HMCN1: variants seen among roughly 807,000 people sequenced by gnomAD.
The protein encoded by HMCN1 is hemicentin 1, also known as hemicentin-1.
Under a neutral mutation model 625.9 loss-of-function variants are expected in HMCN1, and 321 were observed. That is an observed-to-expected ratio of 0.51 (90% CI 0.47 to 0.56). HMCN1 has a LOEUF of 0.56. Ranked by LOEUF, HMCN1 falls within the 20% of genes least tolerant of loss-of-function variation. The pLI is 0.00. For missense variants in HMCN1, 6,588 were observed against 6,887.3 expected, an observed-to-expected ratio of 0.96 and a Z score of 1.54; for synonymous variants, 2,425 against 2,417.6, an observed-to-expected ratio of 1.00 and a Z score of -0.09.
At chr1:185,885,462 A>G (rs568033947) in intron 4 of HMCN1, among the ~76,000 whole-genome samples, 2 of 151,976 alleles carry the variant, frequency 1.3e-5, no homozygotes, top group East Asian at 3.9e-4. Context: ...ACATAGGTAA[A>G]TATTATTTCC....
chr1:185,958,542 G>A (rs1649783271), intron 11 of HMCN1, among the ~76,000 whole-genome samples: 1 of 152,106 alleles, frequency 6.6e-6, no homozygotes, highest in Admixed American at 6.5e-5. Context: ...AACTTTATTT[G>A]GTCATGCTTT....
At chr1:186,189,426 A>G in intron 106 of HMCN1, 86 bp from the exon 107 acceptor site, 1 of 1,507,916 alleles carries the variant, frequency 6.6e-7, no homozygotes, top group Non-Finnish European at 9.1e-7. Flanking sequence ...CAGTGCCTAA[A>G]AGTTGTCATG....
At chr1:186,002,385 A>G (rs1204354076) in intron 28 of HMCN1, among the ~76,000 whole-genome samples, 1 of 152,130 alleles carries the variant, frequency 6.6e-6, no homozygotes, top group Admixed American at 6.6e-5. Flanking sequence ...TACAATGGGC[A>G]CATAATTTGT....
At chr1:185,795,753 G>T (rs572184130) in intron 1 of HMCN1, among the ~76,000 whole-genome samples, 7 of 152,142 alleles carry the variant, frequency 4.6e-5, no homozygotes, top group Non-Finnish European at 1.0e-4. Flanking sequence ...TTGCAACACC[G>T]ATTTCTTCCT....
Position 185,798,575 on chromosome 1 carries a change from CT to C in HMCN1, c.269-47444del, listed in dbSNP as rs559881112. ...AAGTCTTTGTTCATTTTAACAAATTCTTTTTTTCTTTATATTTGTTTGACTG... is the reference window on the plus strand; with the variant it reads ...AAGTCTTTGTTCATTTTAACAAATTCTTTTTTCTTTATATTTGTTTGACTG... On this transcript the variant is annotated intron_variant, in intron 1 of 106. Transcript: ENST00000271588. Among the ~76,000 whole-genome samples, 771 of 152,054 alleles carry C rather than the reference CT, an allele frequency of 5.1e-3. 10 individuals are homozygous for C. Among genetic ancestry groups the C allele is most frequent in the African/African-American group, 0.018 (748 of 41,518 alleles).
Position 186,019,709 on chromosome 1 carries a change from T to C in HMCN1, c.5625+14T>C, listed in dbSNP as rs1654594368. 7 of 1,604,856 alleles carry C rather than the reference T, an allele frequency of 4.4e-6. No homozygotes were observed. The highest frequency in any genetic ancestry group is 6.0e-6 in the Non-Finnish European group (7 of 1,172,408). ...GGAAACCTTAAAGTAAGTGTAAATA[T>C]TACTCAGCCTAAACTGGGAAAGCTA... On this transcript the variant is annotated intron_variant, in intron 35 of 106. Coordinates refer to ENST00000271588, the MANE Select transcript of HMCN1 (RefSeq NM_031935.3).
chr1:185,859,480 T>C (rs1662730593), intron 2 of HMCN1, among the ~76,000 whole-genome samples: 1 of 152,152 alleles, frequency 6.6e-6, no homozygotes, highest in African/African-American at 2.4e-5. Flanking sequence ...TGATATGTTA[T>C]CAATATAAAA....
chr1:185,887,577 G>A (rs190394749), intron 4 of HMCN1, among the ~76,000 whole-genome samples: 4 of 150,158 alleles, frequency 2.7e-5, no homozygotes, highest in Admixed American at 6.6e-5. Context: ...TTGTTCTTGC[G>A]ATAGTTTACT....
intron 83 of HMCN1, 91 bp from the exon 84 acceptor site, chr1:186,129,875 A>G (rs753602684): frequency 6.7e-6 from 10 of 1,496,354 alleles, no homozygotes; most frequent in Non-Finnish European, 9.3e-6. Flanking sequence ...TTGCTGACCA[A>G]CTCATAAATC....
intron 1 of HMCN1, among the ~76,000 whole-genome samples, chr1:185,783,883 C>T (rs748530522): frequency 3.6e-4 from 55 of 152,286 alleles, no homozygotes; most frequent in African/African-American, 1.1e-3. Flanking sequence ...CTGTTAGCCA[C>T]GGACTTTTAA....
chr1:186,106,546 A>C (rs1330439976), intron 69 of HMCN1, among the ~76,000 whole-genome samples: 1 of 152,100 alleles, frequency 6.6e-6, no homozygotes, highest in African/African-American at 2.4e-5. Flanking sequence ...CTGCAATTTA[A>C]ACCCATGAAT....
Position 186,023,102 on chromosome 1 carries a change from G to C in HMCN1, c.5698G>C (p.Ala1900Pro). ...AGATGCTGGCAGATACACATGTGTG[G>C]CTACCAACGCAGCTGGAGAAACACA... ...LEDAGRYTCV[A>P]TNAAGETQQH... Residue 1900 changes from alanine (A) to proline (P), a missense_variant, in exon 36 of 107, where the codon GCT (alanine) becomes CCT (proline). By Grantham distance (27) the Ala-to-Pro change is conservative. This residue lies in a region of HMCN1 where 4,628 missense variants were observed against 4,853.1 expected (regional missense o/e 0.95). Transcript: ENST00000271588. The C allele has an allele frequency of 6.2e-7, 1 of 1,613,148 alleles. No individual in the cohort carries two copies. The highest frequency in any genetic ancestry group is 8.5e-7 in the Non-Finnish European group (1 of 1,179,306).
chr1:186,093,566 A>G lies in HMCN1; in HGVS notation c.10093A>G (p.Arg3365Gly). ...LVDTSINIEC[R>G]ATGTPPPQIN... Reference sequence around the variant, plus strand: ...GGATACTTCAATAAATATTGAATGCAGAGCCACAGGGACGCCTCCACCACA... The same window carrying G: ...GGATACTTCAATAAATATTGAATGCGGAGCCACAGGGACGCCTCCACCACA... Residue 3365 changes from arginine to glycine, a missense_variant, in exon 66 of 107, where the codon AGA becomes GGA. By Grantham distance (125) the Arg-to-Gly change is moderately radical. Around this residue, in one of 3 missense-constraint regions of HMCN1, gnomAD observed 4,628 missense variants for 4,853.1 expected, o/e 0.95. Transcript: ENST00000271588. 2.5e-6 allele frequency: 4 copies of G among 1,613,544 alleles called. No homozygotes were observed. The highest frequency in any genetic ancestry group is 3.4e-6 in the Non-Finnish European group (4 of 1,179,674).
chr1:186,083,875 T>C (rs971071398), intron 57 of HMCN1, among the ~76,000 whole-genome samples: 1 of 152,184 alleles, frequency 6.6e-6, no homozygotes, highest in Non-Finnish European at 1.5e-5. Flanking sequence ...TTAATAAGTG[T>C]CCTTGAAGTT....
intron 98 of HMCN1, 21 bp from the exon 99 acceptor site, chr1:186,166,163 C>A (rs1651864686): frequency 1.9e-6 from 3 of 1,613,462 alleles, no homozygotes; most frequent in South Asian, 1.1e-5. Context: ...CTGATTTGGG[C>A]CTTTTTGTTT....
At position 186,171,229 on chromosome 1, in the gene HMCN1, G is replaced by A. The variant is rs573582404; in HGVS notation, c.15575-108G>A. 50 of 815,330 alleles carry A rather than the reference G, an allele frequency of 6.1e-5. No individual in the cohort carries two copies. The African/African-American group carries it at 7.9e-4, about 13-fold the overall frequency. 50.5% of individuals were successfully genotyped at this position (815,330 alleles called of 1,614,324 possible). On this transcript the variant is annotated intron_variant, in intron 100 of 106. Transcript: ENST00000271588. ...AGTGCAATATATTGGATAGGTTTTA[G>A]AGAAGATCTTAAACATGGTAATGAT...
chr1:185,961,755 T>G (rs1650040952), intron 11 of HMCN1, among the ~76,000 whole-genome samples: 1 of 152,246 alleles, frequency 6.6e-6, no homozygotes, highest in Non-Finnish European at 1.5e-5. Context: ...TGTTCCATTT[T>G]CAAAAGTCTT....
intron 2 of HMCN1, among the ~76,000 whole-genome samples, chr1:185,856,545 T>C (rs2102339391): frequency 6.6e-6 from 1 of 151,348 alleles, no homozygotes. Flanking sequence ...GTTGCATACC[T>C]AAATTTTACA....
chr1:185,777,945 G>T (rs1656738503), intron 1 of HMCN1, among the ~76,000 whole-genome samples: 1 of 152,184 alleles, frequency 6.6e-6, no homozygotes, highest in Non-Finnish European at 1.5e-5. Flanking sequence ...TTACGGGGGA[G>T]AGCAGAACTT....
Sources: allele counts gnomAD v4.1 joint callset (sites outside exome capture counted in the v4.1 genomes callset), GRCh38; gene constraint gnomAD v4.1.1; regional missense constraint gnomAD v4.1.1; transcripts MANE v1.5; gene names NCBI Gene and HGNC (gene_info 2026-07-23, HGNC 2026-07-21).